Variants in VPS26A observed in about 807,000 individuals in gnomAD.
VPS26A encodes VPS26 retromer complex component A, also known as vacuolar protein sorting-associated protein 26A.
Under a neutral mutation model 42.4 loss-of-function variants are expected in VPS26A, and 22 were observed. That is an observed-to-expected ratio of 0.52 (90% CI 0.37 to 0.74). VPS26A has a LOEUF of 0.74. VPS26A is among the 30% of genes least tolerant of loss of function. VPS26A has a pLI of 0.00. For missense variants in VPS26A, 276 were observed against 379.2 expected (o/e 0.73, Z 2.26); for synonymous variants, 110 against 123.5 (o/e 0.89, Z 0.73).
chr10:69,152,140 T>C (rs952308245), intron 2 of VPS26A, among the ~76,000 whole-genome samples: 2 of 152,090 alleles, frequency 1.3e-5, no homozygotes, highest in African/African-American at 4.8e-5. Flanking sequence ...GCCTGGCAGA[T>C]TGAGGCTGCA....
At chr10:69,147,947 C>T (rs796671236) in intron 2 of VPS26A, among the ~76,000 whole-genome samples, 16 of 152,184 alleles carry the variant, frequency 1.1e-4, no homozygotes, top group African/African-American at 3.6e-4. Flanking sequence ...CTACTGGACT[C>T]GAGATTAGCA....
intron 2 of VPS26A, among the ~76,000 whole-genome samples, chr10:69,151,722 G>T (rs1403652861): frequency 6.6e-6 from 1 of 152,172 alleles, no homozygotes; most frequent in African/African-American, 2.4e-5. Context: ...GTGGTTTCAT[G>T]ATGGTTTTTG....
intron 2 of VPS26A, among the ~76,000 whole-genome samples, chr10:69,134,671 T>C (rs1449155564): frequency 6.6e-6 from 1 of 152,164 alleles, no homozygotes; most frequent in Non-Finnish European, 1.5e-5. Flanking sequence ...AGGTTATTTT[T>C]TTTTTTTGTA....
chr10:69,165,240 T>C (rs1841661216), intron 6 of VPS26A, among the ~76,000 whole-genome samples: 1 of 152,096 alleles, frequency 6.6e-6, no homozygotes, highest in South Asian at 2.1e-4. Flanking sequence ...ATCGTCGGGT[T>C]TTTTGCTGAA....
intron 2 of VPS26A, among the ~76,000 whole-genome samples, chr10:69,148,652 T>C (rs754798957): frequency 1.3e-5 from 2 of 152,212 alleles, no homozygotes; most frequent in East Asian, 3.8e-4. Context: ...TAGAATAATG[T>C]AACTCCTTAA....
chr10:69,132,511 T>A (rs2132188445), intron 1 of VPS26A, among the ~76,000 whole-genome samples: 1 of 152,056 alleles, frequency 6.6e-6, no homozygotes, highest in Admixed American at 6.6e-5. Flanking sequence ...GGCGCGATCT[T>A]GGCTCACTGC....
chr10:69,128,776 C>G (rs982808809), intron 1 of VPS26A, among the ~76,000 whole-genome samples: 1 of 151,466 alleles, frequency 6.6e-6, no homozygotes, highest in Non-Finnish European at 1.5e-5. Context: ...GGGTGGATCA[C>G]TTGAGCCCAG....
Position 69,124,700 on chromosome 10 carries a change from G to T in VPS26A, c.3+420G>T, listed in dbSNP as rs187357381. On this transcript the variant is annotated intron_variant, in intron 1 of 8. Coordinates refer to ENST00000263559, the MANE Select transcript of VPS26A (RefSeq NM_004896.5). ...CCCCCCACCTCCGGACTCTTCGGGG[G>T]ACTTGGGCACTCAGTGTGTCACGAA... Among the ~76,000 whole-genome samples the T allele has an allele frequency of 2.1e-3, 326 of 152,350 alleles. 2 individuals carry two copies. Among genetic ancestry groups the T allele is most frequent in the Admixed American group, 0.019 (293 of 15,310 alleles).
intron 2 of VPS26A, among the ~76,000 whole-genome samples, chr10:69,153,430 ACCTCCTAGGGTCAAAGGCT>A (rs1841364690): frequency 6.7e-6 from 1 of 149,314 alleles, no homozygotes; most frequent in Non-Finnish European, 1.5e-5. Flanking sequence ...TGCACCTTCG[ACCTCCTAGGGTCAAAGGCT>A]CCTCCTGCCA....
chr10:69,129,600 T>C (rs1036158018), intron 1 of VPS26A, among the ~76,000 whole-genome samples: 3 of 151,602 alleles, frequency 2.0e-5, no homozygotes, highest in African/African-American at 7.3e-5. Context: ...AGGGCTGGAG[T>C]GCAGTGGCGC....
At chr10:69,125,144 C>T (rs1385582042) in intron 1 of VPS26A, among the ~76,000 whole-genome samples, 1 of 152,206 alleles carries the variant, frequency 6.6e-6, no homozygotes, top group Non-Finnish European at 1.5e-5. Flanking sequence ...TCTCCTAATA[C>T]TACCTGCTCT....
chr10:69,168,635 T>C lies in VPS26A; in HGVS notation c.870+4T>C. The C allele has an allele frequency of 6.2e-7, 1 of 1,612,522 alleles. No homozygotes were observed. Among genetic ancestry groups the C allele is most frequent in the Non-Finnish European group, 8.5e-7 (1 of 1,179,282 alleles). On this transcript the variant is annotated splice_donor_region_variant and intron_variant, in intron 8 of 8. Transcript: ENST00000263559. ...CCGGAGGTACTTCAAACAGCAGGTA[T>C]GGTGCCACTTGGGCTGGTATTATGT... is the stretch of plus-strand genomic sequence containing the variant.
intron 8 of VPS26A, among the ~76,000 whole-genome samples, chr10:69,168,885 G>C (rs1203718838): frequency 6.6e-6 from 1 of 151,770 alleles, no homozygotes; most frequent in Non-Finnish European, 1.5e-5. Context: ...TTTTGTTTTT[G>C]TTTTTTAATA....
At chr10:69,149,008 A>C (rs1159455928) in intron 2 of VPS26A, among the ~76,000 whole-genome samples, 1 of 152,094 alleles carries the variant, frequency 6.6e-6, no homozygotes, top group Non-Finnish European at 1.5e-5. Context: ...TGCCTGCCTC[A>C]GCCTCCCAAA....
intron 2 of VPS26A, among the ~76,000 whole-genome samples, chr10:69,155,546 T>C (rs560746893): frequency 3.9e-5 from 6 of 152,332 alleles, no homozygotes; most frequent in Admixed American, 2.0e-4. Flanking sequence ...TTTGAGTCTT[T>C]TTATAGTTCT....
chr10:69,124,217 G>T lies in VPS26A; in HGVS notation c.-61G>T, dbSNP rs1467978267. 8 of 1,274,632 alleles carry T rather than the reference G, an allele frequency of 6.3e-6. No homozygotes were observed. The highest frequency in any genetic ancestry group is 8.0e-6 in the Non-Finnish European group (8 of 1,005,166). 79.0% of individuals were successfully genotyped at this position (1,274,632 alleles called of 1,614,324 possible). On this transcript the variant is annotated 5_prime_UTR_variant, in exon 1 of 9. Coordinates refer to ENST00000263559, the MANE Select transcript of VPS26A (RefSeq NM_004896.5). The stretch of plus-strand genomic sequence containing the variant: ...GAGCGCCGGAGCGGAGGGAGCCGGG[G>T]CTGGGAGTTCTCCTGAGGGAAGAGG...
At chr10:69,159,966 CT>C (rs1841515670) in intron 5 of VPS26A, among the ~76,000 whole-genome samples, 1 of 152,132 alleles carries the variant, frequency 6.6e-6, no homozygotes, top group South Asian at 2.1e-4. Context: ...ATACCCCAGT[CT>C]TTTGTTACAT....
intron 5 of VPS26A, among the ~76,000 whole-genome samples, chr10:69,159,430 A>C (rs1385561684): frequency 1.3e-5 from 2 of 152,066 alleles, no homozygotes; most frequent in African/African-American, 4.8e-5. Flanking sequence ...TTAGTTCTCC[A>C]GAAGCGTGTC....
Position 69,171,306 on chromosome 10 carries a change from T to C in VPS26A, c.*37T>C. ...GAAAAAAAGAAAAGCAAAAAACTCCTGTAACCCTTGAGATTAAGTTCAGCA... is the reference window on the plus strand; with the variant it reads ...GAAAAAAAGAAAAGCAAAAAACTCCCGTAACCCTTGAGATTAAGTTCAGCA... On this transcript the variant is annotated 3_prime_UTR_variant, in exon 9 of 9. Transcript: ENST00000263559. The C allele has an allele frequency of 6.3e-7, 1 of 1,576,984 alleles. No individual in the cohort carries two copies. The highest frequency in any genetic ancestry group is 8.6e-7 in the Non-Finnish European group (1 of 1,158,446).
Sources: allele counts gnomAD v4.1 joint callset (sites outside exome capture counted in the v4.1 genomes callset), GRCh38; gene constraint gnomAD v4.1.1; transcripts MANE v1.5; gene names NCBI Gene and HGNC (gene_info 2026-07-23, HGNC 2026-07-21).